The following ZBTB7C variants were observed in gnomAD, a reference collection of about 807,000 sequenced individuals.
The protein encoded by ZBTB7C is zinc finger and BTB domain-containing protein 7C.
ZBTB7C carries 8 observed loss-of-function variants against 25.7 expected under a neutral mutation model. The observed-to-expected ratio is 0.31, with a 90% CI of 0.18 to 0.56. The LOEUF (loss-of-function observed/expected upper bound fraction) is 0.56. Ranked by LOEUF, ZBTB7C falls within the 20% of genes least tolerant of loss-of-function variation. The pLI, the probability that ZBTB7C is intolerant of heterozygous loss-of-function variation, is 0.91. For synonymous variants in ZBTB7C, 394 were observed against 369.0 expected, an observed-to-expected ratio of 1.07 and a Z score of -0.78; for missense variants, 824 against 855.2, an observed-to-expected ratio of 0.96 and a Z score of 0.46.
In ZBTB7C at chr18:48,368,343, A is replaced by T. The variant is rs1412431374; in HGVS notation, c.-303-29945T>A. On this transcript the variant is annotated intron_variant, in intron 1 of 4. Coordinates refer to ENST00000590800, the MANE Select transcript of ZBTB7C (RefSeq NM_001318841.2). The stretch of plus-strand genomic sequence containing the variant: ...AAACTCAATGATGAGCTCGATAGCC[A>T]AATAGAGGAGACAGAGGAAAGAATC... Among the ~76,000 whole-genome samples, 41 of 152,078 alleles carry T rather than the reference A, an allele frequency of 2.7e-4. 1 individual carries two copies. Among genetic ancestry groups the T allele is most frequent in the Non-Finnish European group, 1.5e-5 (1 of 68,004 alleles).
chr18:48,229,969 C>G (rs1045329295), intron 2 of ZBTB7C, among the ~76,000 whole-genome samples: 7 of 152,162 alleles, frequency 4.6e-5, no homozygotes, highest in Non-Finnish European at 1.0e-4. Context: ...GCAGCCACCC[C>G]CACCTCCCTC....
chr18:48,166,520 C>T (rs2041249966), intron 3 of ZBTB7C, among the ~76,000 whole-genome samples: 2 of 152,076 alleles, frequency 1.3e-5, no homozygotes, highest in Admixed American at 6.5e-5. Context: ...GGTGGGAGTC[C>T]CAACATGAGT....
intron 3 of ZBTB7C, among the ~76,000 whole-genome samples, chr18:48,093,209 G>A (rs570908835): frequency 1.1e-4 from 16 of 152,362 alleles, no homozygotes; most frequent in African/African-American, 1.9e-4. Context: ...AGACTCAGCC[G>A]TGGTGGAGAT....
chr18:48,232,261 T>G (rs1321656192), intron 2 of ZBTB7C, among the ~76,000 whole-genome samples: 1 of 152,244 alleles, frequency 6.6e-6, no homozygotes, highest in Non-Finnish European at 1.5e-5. Flanking sequence ...AGAACACTGA[T>G]GATTGATGCT....
chr18:48,108,502 A>G (rs2039116766), intron 3 of ZBTB7C, among the ~76,000 whole-genome samples: 1 of 152,086 alleles, frequency 6.6e-6, no homozygotes, highest in Non-Finnish European at 1.5e-5. Context: ...GCACAATCGT[A>G]GCTCACTGCA....
At chr18:48,280,868 T>G (rs2044823836) in intron 2 of ZBTB7C, among the ~76,000 whole-genome samples, 1 of 148,916 alleles carries the variant, frequency 6.7e-6, no homozygotes, top group Non-Finnish European at 1.5e-5. Flanking sequence ...TTTTTTTTTT[T>G]TTTGAGACAG....
intron 2 of ZBTB7C, among the ~76,000 whole-genome samples, chr18:48,283,990 T>A (rs572861305): frequency 6.6e-6 from 1 of 151,666 alleles, no homozygotes; most frequent in South Asian, 2.1e-4. Flanking sequence ...CTACTAAAAA[T>A]ACAGAAATTT....
intron 3 of ZBTB7C, among the ~76,000 whole-genome samples, chr18:48,066,556 C>T: frequency 6.6e-6 from 1 of 152,062 alleles, no homozygotes; most frequent in Non-Finnish European, 1.5e-5. Flanking sequence ...AACAACGGGA[C>T]CTGGATATAA....
chr18:48,365,626 C>A (rs983930366), intron 1 of ZBTB7C, among the ~76,000 whole-genome samples: 2 of 152,170 alleles, frequency 1.3e-5, no homozygotes, highest in Non-Finnish European at 2.9e-5. Context: ...CAGGCTGACA[C>A]CTGGATTGCA....
intron 2 of ZBTB7C, among the ~76,000 whole-genome samples, chr18:48,296,236 G>A (rs1363769178): frequency 6.6e-6 from 1 of 152,172 alleles, no homozygotes; most frequent in Non-Finnish European, 1.5e-5. Context: ...TGCTCCCCAT[G>A]CAGGATGGGG....
intron 2 of ZBTB7C, among the ~76,000 whole-genome samples, chr18:48,313,463 T>C (rs1024924005): frequency 8.5e-5 from 13 of 152,254 alleles, no homozygotes; most frequent in African/African-American, 3.1e-4. Context: ...TTAAACCCCC[T>C]CCCCTGCTCC....
chr18:48,411,467 T>G (rs537913803), upstream of ZBTB7C, among the ~76,000 whole-genome samples: 76 of 152,368 alleles, frequency 5.0e-4, 1 homozygote, highest in Non-Finnish European at 1.0e-3. Flanking sequence ...GGTTTGTCTC[T>G]CTGTTAAATT....
At chr18:48,252,359 A>G (rs1279561420) in intron 2 of ZBTB7C, 1 of 152,230 alleles carries the variant, frequency 6.6e-6, no homozygotes, top group Non-Finnish European at 1.5e-5. Flanking sequence ...TACAGAGAAT[A>G]TAACACAATG....
chr18:48,362,402 G>A (rs2047129053), intron 1 of ZBTB7C, among the ~76,000 whole-genome samples: 1 of 152,234 alleles, frequency 6.6e-6, no homozygotes. Flanking sequence ...AGGTCACGAA[G>A]GTGGAGCTTT....
intron 1 of ZBTB7C, among the ~76,000 whole-genome samples, chr18:48,351,223 C>T (rs964914338): frequency 2.0e-5 from 3 of 152,140 alleles, no homozygotes; most frequent in African/African-American, 7.2e-5. Flanking sequence ...CACACCTCTT[C>T]TTTACCCCTC....
intron 1 of ZBTB7C, among the ~76,000 whole-genome samples, chr18:48,381,814 G>A (rs2039186223): frequency 6.6e-6 from 1 of 152,166 alleles, no homozygotes; most frequent in Non-Finnish European, 1.5e-5. Flanking sequence ...GCCACTCTTT[G>A]GGACATGTCC....
chr18:48,294,704 A>G (rs373421978), intron 2 of ZBTB7C, among the ~76,000 whole-genome samples: 59 of 146,996 alleles, frequency 4.0e-4, no homozygotes, highest in African/African-American at 1.5e-3. Context: ...GTCCCCACAC[A>G]GAGGGCTTCA....
At chr18:48,095,464 C>T (rs1190742890) in intron 3 of ZBTB7C, among the ~76,000 whole-genome samples, 2 of 152,196 alleles carry the variant, frequency 1.3e-5, no homozygotes, top group Non-Finnish European at 2.9e-5. Flanking sequence ...CTAATCCCAG[C>T]ACTTTGGGAG....
At chr18:48,402,029 A>C (rs2048169739) in intron 1 of ZBTB7C, among the ~76,000 whole-genome samples, 1 of 152,136 alleles carries the variant, frequency 6.6e-6, no homozygotes, top group East Asian at 1.9e-4. Flanking sequence ...GAACTTAACA[A>C]GGGTCTCATC....
Sources: gnomAD v4.1 joint callset for allele counts (sites outside exome capture counted in the v4.1 genomes callset) on GRCh38, gnomAD v4.1.1 for gene constraint, MANE v1.5 for transcripts, NCBI Gene and HGNC (gene_info 2026-07-23, HGNC 2026-07-21) for gene names.